The following MYO18B variants were observed in gnomAD, a reference collection of about 807,000 sequenced individuals.
MYO18B encodes myosin XVIIIB.
In MYO18B, 204 loss-of-function variants were observed where a neutral mutation model predicts 273.0. The ratio of observed to expected loss-of-function variants is 0.75; its 90% CI spans 0.67 to 0.84. The LOEUF is 0.84. Ranked by LOEUF, MYO18B falls within the 40% of genes least tolerant of loss-of-function variation. The probability of loss-of-function intolerance (pLI) is 0.00; values close to 1 mark genes in which losing one functional copy is unlikely to be tolerated. For synonymous variants in MYO18B, 1,330 were observed against 1,305.7 expected (o/e 1.02, Z -0.40); for missense variants, 3,212 against 3,287.6 (o/e 0.98, Z 0.56).
chr22:26,001,584 A>G (rs1052089962), intron 40 of MYO18B, among the ~76,000 whole-genome samples: 4 of 152,228 alleles, frequency 2.6e-5, no homozygotes, highest in Admixed American at 6.5e-5. Context: ...CTTCCTGTCA[A>G]CTGTCAGTTG....
At chr22:25,999,889 C>T (rs965462559) in intron 40 of MYO18B, among the ~76,000 whole-genome samples, 1 of 152,062 alleles carries the variant, frequency 6.6e-6, no homozygotes, top group African/African-American at 2.4e-5. Context: ...CTCCTGACCT[C>T]GTGATCTGCC....
chr22:25,804,034 G>A (rs556212963), intron 12 of MYO18B, among the ~76,000 whole-genome samples: 1 of 150,600 alleles, frequency 6.6e-6, no homozygotes, highest in Non-Finnish European at 1.5e-5. Flanking sequence ...CTAAACCACA[G>A]AGGGAATCTT....
chr22:26,029,510 A>G (rs903105209), intron 43 of MYO18B, among the ~76,000 whole-genome samples: 2 of 152,230 alleles, frequency 1.3e-5, no homozygotes, highest in Admixed American at 1.3e-4. Flanking sequence ...AGCAGTTTCA[A>G]AGGCCAAGTA....
At chr22:25,753,121 G>A (rs1393032797) in intron 1 of MYO18B, among the ~76,000 whole-genome samples, 2 of 152,182 alleles carry the variant, frequency 1.3e-5, no homozygotes, top group East Asian at 1.9e-4. Flanking sequence ...GAGCCTCCAC[G>A]GCACCGCGTC....
At chr22:25,986,705 C>G (rs926096344) in intron 39 of MYO18B, among the ~76,000 whole-genome samples, 1 of 152,158 alleles carries the variant, frequency 6.6e-6, no homozygotes, top group Admixed American at 6.5e-5. Flanking sequence ...GTACGTGTTA[C>G]AGGCAAAATT....
At chr22:26,009,397 C>T (rs1385299312) in intron 42 of MYO18B, among the ~76,000 whole-genome samples, 1 of 152,164 alleles carries the variant, frequency 6.6e-6, no homozygotes, top group East Asian at 1.9e-4. Context: ...GAGGTCCTCC[C>T]CATCCTAACC....
At chr22:25,846,389 G>A in intron 19 of MYO18B, 106 bp downstream of exon 19, 1 of 1,263,416 alleles carries the variant, frequency 7.9e-7, no homozygotes, top group Non-Finnish European at 1.1e-6. Flanking sequence ...CCCCAGCAAG[G>A]CCAGAGGGGC....
At chr22:25,761,212 C>T in intron 2 of MYO18B, 81 bp downstream of exon 2, 1 of 1,502,472 alleles carries the variant, frequency 6.7e-7, no homozygotes, top group Non-Finnish European at 9.2e-7. Context: ...ACCTTTCCCA[C>T]CTTGAGTGGG....
intron 34 of MYO18B, among the ~76,000 whole-genome samples, chr22:25,943,047 A>AG (rs1208933687): frequency 1.3e-5 from 2 of 152,100 alleles, no homozygotes; most frequent in African/African-American, 4.8e-5. Flanking sequence ...CTGCTGAAGT[A>AG]GGGGCTGGGC....
intron 26 of MYO18B, 31 bp from the exon 27 acceptor site, chr22:25,891,273 T>G: frequency 1.4e-6 from 2 of 1,468,372 alleles, no homozygotes; most frequent in South Asian, 2.4e-5. Context: ...TCTGTCCAGC[T>G]CTAGTTTAGA....
intron 28 of MYO18B, among the ~76,000 whole-genome samples, chr22:25,896,122 A>G (rs1053111753): frequency 2.6e-5 from 4 of 152,128 alleles, no homozygotes; most frequent in Non-Finnish European, 5.9e-5. Context: ...CCTTGAGATA[A>G]TGCTAAATTC....
chr22:26,019,132 G>C (rs1935608085), intron 42 of MYO18B, among the ~76,000 whole-genome samples: 1 of 152,172 alleles, frequency 6.6e-6, no homozygotes, highest in Admixed American at 6.5e-5. Context: ...CTCCCCAGGA[G>C]GGGAGGGCAG....
At chr22:26,003,440 A>G (rs1378180617) in intron 41 of MYO18B, 131 bp downstream of exon 41, 5 of 798,418 alleles carry the variant, frequency 6.3e-6, no homozygotes, top group Non-Finnish European at 1.1e-5. Context: ...TAATGCCTTC[A>G]TGGTCATAAC....
intron 12 of MYO18B, among the ~76,000 whole-genome samples, chr22:25,804,444 G>A (rs1004573533): frequency 1.3e-5 from 2 of 152,244 alleles, no homozygotes; most frequent in African/African-American, 2.4e-5. Flanking sequence ...GTGTGGTGCA[G>A]TTGTGGCTCA....
At chr22:25,970,309 A>C (rs567271522) in intron 39 of MYO18B, among the ~76,000 whole-genome samples, 1 of 152,362 alleles carries the variant, frequency 6.6e-6, no homozygotes, top group Non-Finnish European at 1.5e-5. Context: ...CCTGTGATTC[A>C]GAGCAGGCAT....
At chr22:26,038,760 G>A in the MYO18B span, among the ~76,000 whole-genome samples, 6 of 152,308 alleles carry the variant, frequency 3.9e-5, no homozygotes, top group South Asian at 1.2e-3. Context: ...GCTTGGTAAT[G>A]CGTGACTGAC....
At chr22:25,964,686 A>T (rs1014909257) in intron 39 of MYO18B, 1 of 152,130 alleles carries the variant, frequency 6.6e-6, no homozygotes, top group African/African-American at 2.4e-5. Context: ...GACATTACCA[A>T]ATGTCCCCTA....
At chr22:25,800,491 G>A (rs987867666) in intron 12 of MYO18B, among the ~76,000 whole-genome samples, 1 of 152,198 alleles carries the variant, frequency 6.6e-6, no homozygotes, top group East Asian at 1.9e-4. Flanking sequence ...TTGCATATTT[G>A]GGGAAGGACC....
At chr22:25,885,636 G>C (rs529504875) in intron 25 of MYO18B, among the ~76,000 whole-genome samples, 103 of 152,244 alleles carry the variant, frequency 6.8e-4, no homozygotes, top group African/African-American at 2.4e-3. Context: ...ATCGCAGGGG[G>C]TCAGGAGAAT....
Sources: gnomAD v4.1 joint callset for allele counts (sites outside exome capture counted in the v4.1 genomes callset) on GRCh38, gnomAD v4.1.1 for gene constraint, MANE v1.5 for transcripts, NCBI Gene and HGNC (gene_info 2026-07-23, HGNC 2026-07-21) for gene names.